Variants in SIPA1L1 observed in about 807,000 individuals in gnomAD.
The protein encoded by SIPA1L1 is signal-induced proliferation-associated 1-like protein 1.
In SIPA1L1, 26 loss-of-function variants were observed where a neutral mutation model predicts 162.7. That is an observed-to-expected ratio of 0.16 (90% CI 0.12 to 0.22). The LOEUF is 0.22. Ranked by LOEUF, SIPA1L1 falls within the 10% of genes least tolerant of loss-of-function variation. The pLI is 1.00. For missense variants in SIPA1L1, 1,874 were observed against 2,241.0 expected, an observed-to-expected ratio of 0.84 and a Z score of 3.31; for synonymous variants, 829 against 837.4, an observed-to-expected ratio of 0.99 and a Z score of 0.17.
intron 2 of SIPA1L1, among the ~76,000 whole-genome samples, chr14:71,423,858 T>C (rs2043366792): frequency 6.6e-6 from 1 of 152,182 alleles, no homozygotes; most frequent in Non-Finnish European, 1.5e-5. Context: ...CATTGGGATT[T>C]TGATAGGGAT....
At chr14:71,524,235 T>A (rs2052641221) in intron 3 of SIPA1L1, among the ~76,000 whole-genome samples, 2 of 152,324 alleles carry the variant, frequency 1.3e-5, no homozygotes, top group Middle Eastern at 3.4e-3. Context: ...TCTGTATTTG[T>A]TTTGTCTCTA....
chr14:71,566,534 A>G (rs2030629048), intron 4 of SIPA1L1, among the ~76,000 whole-genome samples: 1 of 152,152 alleles, frequency 6.6e-6, no homozygotes, highest in African/African-American at 2.4e-5. Flanking sequence ...AGAGAAATGC[A>G]CCATCAAAAC....
At chr14:71,499,228 G>A (rs1192570021) in intron 2 of SIPA1L1, among the ~76,000 whole-genome samples, 1 of 152,170 alleles carries the variant, frequency 6.6e-6, no homozygotes, top group Non-Finnish European at 1.5e-5. Flanking sequence ...CGTGCCTGTA[G>A]CTACCTGGTA....
At chr14:71,607,267 G>T (rs935618800) in intron 5 of SIPA1L1, among the ~76,000 whole-genome samples, 4 of 150,918 alleles carry the variant, frequency 2.7e-5, no homozygotes, top group African/African-American at 7.3e-5. Context: ...GACTGCCCTC[G>T]GCATAATAGA....
At chr14:71,685,720 A>T (rs2046232903) in intron 13 of SIPA1L1, 89 bp downstream of exon 13, 1 of 1,478,834 alleles carries the variant, frequency 6.8e-7, no homozygotes, top group Non-Finnish European at 9.1e-7. Context: ...AGGCCTTCTC[A>T]TATTTTACTA....
intron 2 of SIPA1L1, among the ~76,000 whole-genome samples, chr14:71,506,862 T>A (rs1196749023): frequency 6.7e-6 from 1 of 150,292 alleles, no homozygotes; most frequent in South Asian, 2.1e-4. Flanking sequence ...CAGGGTCTCG[T>A]CTTGTTGCCC....
intron 17 of SIPA1L1, among the ~76,000 whole-genome samples, chr14:71,719,086 A>C (rs1436779217): frequency 6.6e-5 from 10 of 151,910 alleles, no homozygotes. Context: ...CTACAGGCAC[A>C]TGCCACCACA....
At chr14:71,330,769 G>C (rs2034435766) in intron 2 of SIPA1L1, 2 of 764,608 alleles carry the variant, frequency 2.6e-6, no homozygotes, top group Non-Finnish European at 2.4e-6. Context: ...CTCGGGCAAG[G>C]CCCAGTGGGC....
chr14:71,644,891 G>T (rs527587539), intron 7 of SIPA1L1, among the ~76,000 whole-genome samples: 193 of 152,256 alleles, frequency 1.3e-3, no homozygotes, highest in African/African-American at 4.5e-3. Flanking sequence ...TCTTTCATAT[G>T]AAAATAGTGA....
intron 2 of SIPA1L1, among the ~76,000 whole-genome samples, chr14:71,340,856 T>A (rs1340779518): frequency 6.6e-6 from 1 of 152,160 alleles, no homozygotes; most frequent in Non-Finnish European, 1.5e-5. Context: ...GGAGACTTGC[T>A]TGAACCCGGG....
chr14:71,723,589 T>C (rs1358881060), intron 17 of SIPA1L1, 58 bp from the exon 18 acceptor site: 4 of 1,604,192 alleles, frequency 2.5e-6, no homozygotes, highest in Non-Finnish European at 3.4e-6. Context: ...CGGACAGCAC[T>C]TTTATAGCTG....
chr14:71,350,833 G>T (rs563865831), intron 2 of SIPA1L1, among the ~76,000 whole-genome samples: 2 of 152,326 alleles, frequency 1.3e-5, no homozygotes, highest in Non-Finnish European at 2.9e-5. Context: ...GGAATATTTA[G>T]TTTAACAAAA....
chr14:71,426,559 G>C (rs2043582164), intron 2 of SIPA1L1, among the ~76,000 whole-genome samples: 1 of 143,096 alleles, frequency 7.0e-6, no homozygotes, highest in African/African-American at 2.6e-5. Flanking sequence ...GTATGATCTT[G>C]GCTTACTGCA....
chr14:71,637,133 C>T (rs2041233253), intron 7 of SIPA1L1, among the ~76,000 whole-genome samples: 4 of 146,958 alleles, frequency 2.7e-5, no homozygotes. Context: ...CCTGTGTGTG[C>T]ACGCGTGCAC....
At chr14:71,345,168 C>T (rs1278292427) in intron 2 of SIPA1L1, among the ~76,000 whole-genome samples, 1 of 152,116 alleles carries the variant, frequency 6.6e-6, no homozygotes, top group Admixed American at 6.5e-5. Flanking sequence ...TACCTACCCA[C>T]CTTAGTAAGG....
At chr14:71,481,515 C>T (rs1000553426) in intron 2 of SIPA1L1, among the ~76,000 whole-genome samples, 4 of 151,060 alleles carry the variant, frequency 2.6e-5, no homozygotes, top group African/African-American at 9.7e-5. Context: ...ACAACAACAA[C>T]AGCAAAAAAA....
rs1452481085 is a variant in SIPA1L1, at chr14:71,462,452, A to ATTATC, written c.-464-50291_-464-50290insTTATC. Reference sequence around the variant, plus strand: ...TGGCAGCCTTTCGGGTCACTTGATAAATGGGCCAGAGTAACACACCCACAT... The same window carrying ATTATC: ...TGGCAGCCTTTCGGGTCACTTGATAATTATCATGGGCCAGAGTAACACACCCACAT... On this transcript the variant is annotated intron_variant, in intron 2 of 23. Transcript: ENST00000381232. Among the ~76,000 whole-genome samples the ATTATC allele has an allele frequency of 3.3e-5, 5 of 152,304 alleles. No homozygotes were observed. The South Asian group carries it at 6.2e-4, about 19-fold the overall frequency.
intron 4 of SIPA1L1, among the ~76,000 whole-genome samples, chr14:71,534,624 C>G (rs1401739787): frequency 6.6e-6 from 1 of 152,122 alleles, no homozygotes; most frequent in Admixed American, 6.6e-5. Context: ...TTAGTCTGGC[C>G]TATGGAGTTA....
At chr14:71,509,054 G>T (rs1478600942) in intron 2 of SIPA1L1, among the ~76,000 whole-genome samples, 1 of 152,182 alleles carries the variant, frequency 6.6e-6, no homozygotes, top group Admixed American at 6.5e-5. Flanking sequence ...GACATGGTTA[G>T]TTATTCCTGG....
Sources: allele counts gnomAD v4.1 joint callset (sites outside exome capture counted in the v4.1 genomes callset), GRCh38; gene constraint gnomAD v4.1.1; transcripts MANE v1.5; gene names NCBI Gene and HGNC (gene_info 2026-07-23, HGNC 2026-07-21).